Variants in MB21D2 observed in about 807,000 individuals in gnomAD.
MB21D2 encodes Mab-21 domain containing 2.
Under a neutral mutation model 33.3 loss-of-function variants are expected in MB21D2, and 9 were observed. That is an observed-to-expected ratio of 0.27 (90% confidence interval 0.16 to 0.47). The LOEUF (loss-of-function observed/expected upper bound fraction) is 0.47, where lower values mean the gene tolerates loss of function less well. Among genes scored for constraint, MB21D2 ranks in the 20% least tolerant of loss-of-function variants. MB21D2 has a pLI of 0.99. For missense variants in MB21D2, 540 were observed against 624.6 expected, an observed-to-expected ratio of 0.86 and a Z score of 1.44; for synonymous variants, 241 against 236.3, an observed-to-expected ratio of 1.02 and a Z score of -0.18.
At chr3:192,808,321 AAATG>A (rs1233683156) in intron 1 of MB21D2, among the ~76,000 whole-genome samples, 1 of 152,226 alleles carries the variant, frequency 6.6e-6, no homozygotes, top group African/African-American at 2.4e-5. Flanking sequence ...GCACTGAATG[AAATG>A]AATAAGGTCC....
intron 1 of MB21D2, among the ~76,000 whole-genome samples, chr3:192,869,220 C>T (rs1053496660): frequency 3.4e-5 from 5 of 147,552 alleles, no homozygotes; most frequent in Non-Finnish European, 6.0e-5. Flanking sequence ...GGAGCCACTG[C>T]ACTCCAGCCT....
intron 1 of MB21D2, among the ~76,000 whole-genome samples, chr3:192,822,197 T>TG (rs1277351187): frequency 9.6e-6 from 1 of 104,620 alleles, no homozygotes; most frequent in East Asian, 2.7e-4. Flanking sequence ...GGGGTGGGGG[T>TG]GGGAGGTTGG....
At chr3:192,853,169 C>A (rs1003361212) in intron 1 of MB21D2, among the ~76,000 whole-genome samples, 1 of 152,114 alleles carries the variant, frequency 6.6e-6, no homozygotes, top group Non-Finnish European at 1.5e-5. Flanking sequence ...GAGGCCTAGA[C>A]TCCTTAACCT....
intron 1 of MB21D2, among the ~76,000 whole-genome samples, chr3:192,852,188 TCACCAGGATTCACACTCA>T (rs1212520104): frequency 6.6e-6 from 1 of 152,168 alleles, no homozygotes. Flanking sequence ...CTTCATCCTT[TCACCAGGATTCACACTCA>T]GAGACACCAC....
intron 1 of MB21D2, among the ~76,000 whole-genome samples, chr3:192,910,927 T>C (rs1029038990): frequency 2.6e-5 from 4 of 152,216 alleles, no homozygotes; most frequent in Non-Finnish European, 5.9e-5. Context: ...TCTCTTACTA[T>C]ATAAAAACTT....
chr3:192,810,869 A>G (rs1213976361), intron 1 of MB21D2, among the ~76,000 whole-genome samples: 1 of 142,966 alleles, frequency 7.0e-6, no homozygotes, highest in East Asian at 2.1e-4. Context: ...TTTTCCTAAT[A>G]TATGAGTATG....
chr3:192,835,354 G>T (rs1253478454), intron 1 of MB21D2, among the ~76,000 whole-genome samples: 3 of 148,964 alleles, frequency 2.0e-5, no homozygotes, highest in African/African-American at 7.4e-5. Context: ...TACTCGGGAG[G>T]TTGAGGCAAG....
Position 192,798,711 on chromosome 3 carries a change from A to G in MB21D2, c.1151T>C (p.Met384Thr). 2 of 1,613,466 alleles carry G rather than the reference A, an allele frequency of 1.2e-6. No homozygotes were observed. Among genetic ancestry groups the G allele is most frequent in the Non-Finnish European group, 1.7e-6 (2 of 1,180,022 alleles). The change falls in exon 2 of 2, where the codon ATG (methionine) becomes ACG (threonine). Residue 384 changes from methionine (M) to threonine (T), a missense_variant. Met to Thr is a moderately conservative substitution (Grantham distance 81). Transcript: ENST00000392452. The surrounding 1 kb of genome is among the most constrained non-coding windows in gnomAD (Gnocchi z 4.8). Reference sequence around the variant, plus strand: ...TGTCTCCTCAGACAGATGTTCCAGCATGTTGCACTGAGGGATGAAATAATT... The same window carrying G: ...TGTCTCCTCAGACAGATGTTCCAGCGTGTTGCACTGAGGGATGAAATAATT... ...CPNYFIPQCN[M>T]LEHLSEETVM...
Position 192,799,778 on chromosome 3 carries a change from G to A in MB21D2, c.212-128C>T. The A allele has an allele frequency of 9.7e-7, 1 of 1,026,344 alleles. No individual in the cohort carries two copies. The highest frequency in any genetic ancestry group is 2.9e-5 in the Admixed American group (1 of 34,792). 63.6% of individuals were successfully genotyped at this position (1,026,344 alleles called of 1,614,324 possible). A position where few individuals can be genotyped will look rare whatever the true frequency, so the allele number is the denominator to read the frequency against. On this transcript the variant is annotated intron_variant, in intron 1 of 1. Coordinates refer to ENST00000392452, the MANE Select transcript of MB21D2 (RefSeq NM_178496.4). The surrounding 1 kb of genome is among the most constrained non-coding windows in gnomAD (Gnocchi z 4.1). ...TTATCAGTACTAAATCAAATCTCAG[G>A]CTGCTGCAGAGACCTGGCCAACAGT...
In MB21D2 at chr3:192,861,672, C is replaced by T. The variant is rs142721658; in HGVS notation, c.211+55958G>A. 6.9e-3 allele frequency among the ~76,000 whole-genome samples: 1,054 copies of T among 152,202 alleles called. 6 individuals carry two copies. Among genetic ancestry groups the T allele is most frequent in the African/African-American group, 0.024 (999 of 41,526 alleles). On this transcript the variant is annotated intron_variant, in intron 1 of 1. Transcript: ENST00000392452. ...ATACGAAATTAGCCGGGCGTGGTGGCGCATGCCTGTAATCCCAGCTACTCG... is the reference window on the plus strand; with the variant it reads ...ATACGAAATTAGCCGGGCGTGGTGGTGCATGCCTGTAATCCCAGCTACTCG...
chr3:192,814,725 C>T lies in MB21D2; in HGVS notation c.212-15075G>A, dbSNP rs556960332. Among the ~76,000 whole-genome samples the T allele has an allele frequency of 5.9e-5, 9 of 152,000 alleles. No individual in the cohort carries two copies. In the South Asian group the frequency reaches 1.0e-3, roughly 18 times the overall value. On this transcript the variant is annotated intron_variant, in intron 1 of 1. Transcript: ENST00000392452. ...AAAAAAATACAAAAAATTACCCAGG[C>T]GTGGTGGTGGACGCCTTTAGTCCCA...
chr3:192,893,174 G>A (rs1218322419), intron 1 of MB21D2, among the ~76,000 whole-genome samples: 2 of 152,190 alleles, frequency 1.3e-5, no homozygotes, highest in Non-Finnish European at 2.9e-5. Flanking sequence ...CACCCCTGGA[G>A]TTTAATGAGT....
At chr3:192,871,868 C>T (rs1045591295) in intron 1 of MB21D2, among the ~76,000 whole-genome samples, 3 of 152,138 alleles carry the variant, frequency 2.0e-5, no homozygotes, top group Non-Finnish European at 4.4e-5. Flanking sequence ...ATTACTTGGA[C>T]TCTCCCGGGT....
At chr3:192,896,393 T>C (rs1002190106) in intron 1 of MB21D2, among the ~76,000 whole-genome samples, 1 of 152,208 alleles carries the variant, frequency 6.6e-6, no homozygotes, top group Non-Finnish European at 1.5e-5. Flanking sequence ...AGATGAGGTC[T>C]TTCTATGTTG....
intron 1 of MB21D2, among the ~76,000 whole-genome samples, chr3:192,915,407 G>C (rs1371166482): frequency 6.6e-6 from 1 of 152,198 alleles, no homozygotes; most frequent in East Asian, 1.9e-4. Context: ...CACTTGTGTA[G>C]AGCAGCCAGC....
At chr3:192,857,353 T>C (rs1712938944) in intron 1 of MB21D2, among the ~76,000 whole-genome samples, 1 of 152,238 alleles carries the variant, frequency 6.6e-6, no homozygotes, top group South Asian at 2.1e-4. Flanking sequence ...CAATTCCATG[T>C]GGAAGATGGG....
At chr3:192,835,050 A>C (rs1308265846) in intron 1 of MB21D2, among the ~76,000 whole-genome samples, 26 of 149,252 alleles carry the variant, frequency 1.7e-4, no homozygotes, top group African/African-American at 6.4e-4. Context: ...CCTCGTGATC[A>C]GCTCACATCA....
At position 192,807,965 on chromosome 3, in the gene MB21D2, G is replaced by C. The variant is rs560666866; in HGVS notation, c.212-8315C>G. On this transcript the variant is annotated intron_variant, in intron 1 of 1. Coordinates refer to ENST00000392452, the MANE Select transcript of MB21D2 (RefSeq NM_178496.4). ...CTAGATGACCATCAAGGGTGAGTGG[G>C]GCGGGAGGGATTGGGGGCGCTTTTC... Among the ~76,000 whole-genome samples, 301 of 152,122 alleles carry C rather than the reference G, an allele frequency of 2.0e-3. 2 individuals are homozygous for C. The South Asian group carries it at 0.022, about 11-fold the overall frequency.
chr3:192,913,213 T>C (rs1317117667), intron 1 of MB21D2, among the ~76,000 whole-genome samples: 1 of 152,040 alleles, frequency 6.6e-6, no homozygotes, highest in Admixed American at 6.5e-5. Context: ...CTGGGCAACA[T>C]GGCGAAACCC....
Sources: gnomAD v4.1 joint callset for allele counts (sites outside exome capture counted in the v4.1 genomes callset) on GRCh38, gnomAD v4.1.1 for gene constraint, Gnocchi (gnomAD v3.1) non-coding constraint, MANE v1.5 for transcripts, NCBI Gene and HGNC (gene_info 2026-07-23, HGNC 2026-07-21) for gene names.